STAT4: variants seen among roughly 807,000 people sequenced by gnomAD.
The protein encoded by STAT4 is signal transducer and activator of transcription 4.
Under a neutral mutation model 110.5 loss-of-function variants are expected in STAT4, and 42 were observed. That is an observed-to-expected ratio of 0.38 (90% CI 0.30 to 0.49). The LOEUF is 0.49. Ranked by LOEUF, STAT4 falls within the 20% of genes least tolerant of loss-of-function variation. The pLI, the probability that STAT4 is intolerant of heterozygous loss-of-function variation, is 0.95. For synonymous variants in STAT4, 284 were observed against 302.2 expected (o/e 0.94, Z 0.63); for missense variants, 632 against 887.9 (o/e 0.71, Z 3.66).
At chr2:191,056,779 ATTTTTTTTT>A (rs34775786) in intron 13 of STAT4, among the ~76,000 whole-genome samples, 1 of 94,516 alleles carries the variant, frequency 1.1e-5, no homozygotes, top group African/African-American at 3.6e-5. Flanking sequence ...CTTCTACACT[ATTTTTTTTT>A]TTTTTTTTTT....
At position 191,062,385 on chromosome 2, in the gene STAT4, T is replaced by G. The variant is rs1041786002; in HGVS notation, c.941+377A>C. The stretch of plus-strand genomic sequence containing the variant: ...ATAAATTTCATGACTTTTTTTGGAC[T>G]AAATATTAGGATTTCTGGTACATAT... On this transcript the variant is annotated intron_variant, in intron 9 of 23. Coordinates refer to ENST00000392320, the MANE Select transcript of STAT4 (RefSeq NM_003151.4). This position sits in a 1 kb window ranked among gnomAD's most constrained non-coding sequence, Gnocchi z 4.9. Among the ~76,000 whole-genome samples, 5 of 152,172 alleles carry G rather than the reference T, an allele frequency of 3.3e-5. No homozygotes were observed. The highest frequency in any genetic ancestry group is 6.5e-5 in the Admixed American group (1 of 15,276).
chr2:191,117,191 A>T lies in STAT4; in HGVS notation c.273+29422T>A, dbSNP rs1212764363. Among the ~76,000 whole-genome samples the T allele has an allele frequency of 2.0e-5, 3 of 152,218 alleles. No homozygotes were observed. Among genetic ancestry groups the T allele is most frequent in the Non-Finnish European group, 2.9e-5 (2 of 68,042 alleles). ...TTTCCCAAACTTGTCTGATTATTAG[A>T]ATTACCTGAGCTGCTCAGTCCCACA... On this transcript the variant is annotated intron_variant, in intron 3 of 23. Transcript: ENST00000392320. This position sits in a 1 kb window ranked among gnomAD's most constrained non-coding sequence, Gnocchi z 5.2.
rs1166796772 is a variant in STAT4 at position 191,050,930 on chromosome 2, A to T, written c.1251+3560T>A. 1.3e-5 allele frequency among the ~76,000 whole-genome samples: 2 copies of T among 152,220 alleles called. No individual in the cohort carries two copies. Among genetic ancestry groups the T allele is most frequent in the African/African-American group, 4.8e-5 (2 of 41,460 alleles). Reference sequence around the variant, plus strand: ...GAGGTCTGGAATGGCAACTTAGTGAAACTATCATTTATGACATCTTTGTCC... The same window carrying T: ...GAGGTCTGGAATGGCAACTTAGTGATACTATCATTTATGACATCTTTGTCC... On this transcript the variant is annotated intron_variant, in intron 14 of 23. Transcript: ENST00000392320. The surrounding 1 kb of genome is among the most constrained non-coding windows in gnomAD (Gnocchi z 4.3).
chr2:191,065,216 T>C (rs1696956173), intron 7 of STAT4, among the ~76,000 whole-genome samples: 1 of 152,192 alleles, frequency 6.6e-6, no homozygotes, highest in Non-Finnish European at 1.5e-5. Flanking sequence ...AATGTGTAAC[T>C]CCTGCGGCAA....
rs922867907 is a variant in STAT4 at position 191,117,734 on chromosome 2, C to A, written c.273+28879G>T. On this transcript the variant is annotated intron_variant, in intron 3 of 23. Transcript: ENST00000392320. The surrounding 1 kb of genome is among the most constrained non-coding windows in gnomAD (Gnocchi z 5.2). Reference sequence around the variant, plus strand: ...ACAAAATACCCACATCCTAAATCCACCATTGCTTATTTTTCTTCCGATGCC... The same window carrying A: ...ACAAAATACCCACATCCTAAATCCAACATTGCTTATTTTTCTTCCGATGCC... 2.6e-5 allele frequency among the ~76,000 whole-genome samples: 4 copies of A among 152,120 alleles called. No individual in the cohort carries two copies. The highest frequency in any genetic ancestry group is 9.7e-5 in the African/African-American group (4 of 41,424).
At chr2:191,095,634 A>T (rs1697947747) in intron 3 of STAT4, among the ~76,000 whole-genome samples, 1 of 152,242 alleles carries the variant, frequency 6.6e-6, no homozygotes, top group Non-Finnish European at 1.5e-5. Context: ...GGAAATTTAT[A>T]GCACTAAATG....
chr2:191,034,437 A>G, intron 18 of STAT4, 111 bp downstream of exon 18: 1 of 906,594 alleles, frequency 1.1e-6, no homozygotes, highest in Non-Finnish European at 1.7e-6. Flanking sequence ...AAAAAAAAAA[A>G]AGAAAAATTC....
intron 18 of STAT4, 126 bp downstream of exon 18, chr2:191,034,422 C>CAAA (rs375344996): frequency 1.8e-4 from 90 of 512,482 alleles, no homozygotes; most frequent in East Asian, 2.4e-4. Context: ...GACTCTATCT[C>CAAA]AAAAAAAAAA....
chr2:191,062,319 G>T lies in STAT4; in HGVS notation c.941+443C>A, dbSNP rs1256955408. ...CAACCCCTTGCCTCAGCCTCCCAAG[G>T]TGCTGAGATTACAGGTGTGAGCCAC... On this transcript the variant is annotated intron_variant, in intron 9 of 23. Coordinates refer to ENST00000392320, the MANE Select transcript of STAT4 (RefSeq NM_003151.4). The surrounding 1 kb of genome is among the most constrained non-coding windows in gnomAD (Gnocchi z 4.9). 2.6e-5 allele frequency among the ~76,000 whole-genome samples: 4 copies of T among 152,008 alleles called. No homozygotes were observed. Among genetic ancestry groups the T allele is most frequent in the Non-Finnish European group, 5.9e-5 (4 of 68,008 alleles).
chr2:191,031,525 CA>C lies in STAT4; in HGVS notation c.2045-10del, dbSNP rs1695893433. The C allele has an allele frequency of 6.2e-7, 1 of 1,607,328 alleles. No individual in the cohort carries two copies. Among genetic ancestry groups the C allele is most frequent in the African/African-American group, 1.3e-5 (1 of 74,544 alleles). On this transcript the variant is annotated splice_polypyrimidine_tract_variant and intron_variant, in intron 21 of 23. Coordinates refer to ENST00000392320, the MANE Select transcript of STAT4 (RefSeq NM_003151.4). This position sits in a 1 kb window ranked among gnomAD's most constrained non-coding sequence, Gnocchi z 4.8. Reference sequence around the variant, plus strand: ...TTCTGTTGGTCTTGAAACTGGAAAACAAAAAGGCACAATGTTGGGGAAAAAA... The same window carrying C: ...TTCTGTTGGTCTTGAAACTGGAAAACAAAAGGCACAATGTTGGGGAAAAAA...
chr2:191,144,759 C>T lies in STAT4; in HGVS notation c.273+1854G>A, dbSNP rs1699420896. Among the ~76,000 whole-genome samples, 1 of 152,124 alleles carries T rather than the reference C, an allele frequency of 6.6e-6. No homozygotes were observed. The highest frequency in any genetic ancestry group is 2.4e-5 in the African/African-American group (1 of 41,420). On this transcript the variant is annotated intron_variant, in intron 3 of 23. Coordinates refer to ENST00000392320, the MANE Select transcript of STAT4 (RefSeq NM_003151.4). The surrounding 1 kb of genome is among the most constrained non-coding windows in gnomAD (Gnocchi z 4.7). ...CCTGATTTACACTGAGAAAATCCTG[C>T]TATTTTACCTACCAACAATAAGAAT...
Position 191,031,489 on chromosome 2 carries a change from T to A in STAT4, c.2072A>T (p.Lys691Ile). 1 of 1,613,446 alleles carries A rather than the reference T, an allele frequency of 6.2e-7. No individual in the cohort carries two copies. The highest frequency in any genetic ancestry group is 8.5e-7 in the Non-Finnish European group (1 of 1,179,664). Residue 691 changes from lysine to isoleucine, a missense_variant, in exon 22 of 24, where the codon AAA (lysine) becomes ATA (isoleucine). Around this residue, in one of 4 missense-constraint regions of STAT4, gnomAD observed 38 missense variants for 33.2 expected, o/e 1.15. Transcript: ENST00000392320. The surrounding 1 kb of genome is among the most constrained non-coding windows in gnomAD (Gnocchi z 4.8). ...EVSRPTERGD[K>I]GYVPSVFIPI... ...GATAAAAACAGAAGGAACATAACCTTTGTCACCCCTTTCTGTTGGTCTTGA... is the reference window on the plus strand; with the variant it reads ...GATAAAAACAGAAGGAACATAACCTATGTCACCCCTTTCTGTTGGTCTTGA...
chr2:191,049,081 A>G (rs945007785), intron 14 of STAT4, among the ~76,000 whole-genome samples: 1 of 150,654 alleles, frequency 6.6e-6, no homozygotes, highest in Non-Finnish European at 1.5e-5. Context: ...GTAGGTCTAG[A>G]TGTCACCATA....
chr2:191,129,669 C>T (rs548414567), intron 3 of STAT4, among the ~76,000 whole-genome samples: 27 of 152,248 alleles, frequency 1.8e-4, no homozygotes, highest in South Asian at 1.2e-3. Flanking sequence ...TTCATTTAAC[C>T]GCCAGAATGA....
At position 191,107,836 on chromosome 2, in the gene STAT4, T is replaced by C. The variant is rs1181522901; in HGVS notation, c.274-31511A>G. 6.6e-6 allele frequency among the ~76,000 whole-genome samples: 1 copy of C among 152,222 alleles called. No homozygotes were observed. Among genetic ancestry groups the C allele is most frequent in the African/African-American group, 2.4e-5 (1 of 41,460 alleles). On this transcript the variant is annotated intron_variant, in intron 3 of 23. Coordinates refer to ENST00000392320, the MANE Select transcript of STAT4 (RefSeq NM_003151.4). The surrounding 1 kb of genome is among the most constrained non-coding windows in gnomAD (Gnocchi z 4.2). ...TTTTAGTTTTTCAGCAAGTATTTAT[T>C]ATGTGAAGAAGTCCTAACATTTCTA... is the stretch of plus-strand genomic sequence containing the variant.
In STAT4 at chr2:191,099,530, G is replaced by A. The variant is rs948115889; in HGVS notation, c.274-23205C>T. On this transcript the variant is annotated intron_variant, in intron 3 of 23. Transcript: ENST00000392320. The surrounding 1 kb of genome is among the most constrained non-coding windows in gnomAD (Gnocchi z 4.1). ...ATTAAAATGGAGGGATTTCTGTTAC[G>A]TAAAATTTGGAAAGCAGAGATATGA... Among the ~76,000 whole-genome samples, 112 of 152,086 alleles carry A rather than the reference G, an allele frequency of 7.4e-4. 2 individuals are homozygous for A. Among genetic ancestry groups the A allele is most frequent in the Admixed American group, 4.6e-4 (7 of 15,276 alleles).
At chr2:191,137,849 A>G (rs973548005) in intron 3 of STAT4, among the ~76,000 whole-genome samples, 1 of 152,192 alleles carries the variant, frequency 6.6e-6, no homozygotes, top group Non-Finnish European at 1.5e-5. Flanking sequence ...ACCATATATA[A>G]AAATCAACTC....
intron 3 of STAT4, among the ~76,000 whole-genome samples, chr2:191,102,928 A>G (rs1698182279): frequency 6.6e-6 from 1 of 152,184 alleles, no homozygotes; most frequent in Non-Finnish European, 1.5e-5. Context: ...TTTAACTGTG[A>G]CATCCATGTA....
intron 13 of STAT4, among the ~76,000 whole-genome samples, chr2:191,056,603 G>C (rs1190780839): frequency 6.6e-6 from 1 of 152,080 alleles, no homozygotes; most frequent in Middle Eastern, 3.2e-3. Context: ...ATATATCATA[G>C]TTGTACATAT....
Sources: allele counts gnomAD v4.1 joint callset (sites outside exome capture counted in the v4.1 genomes callset), GRCh38; gene constraint gnomAD v4.1.1; regional missense constraint gnomAD v4.1.1; non-coding constraint Gnocchi (gnomAD v3.1); transcripts MANE v1.5; gene names NCBI Gene and HGNC (gene_info 2026-07-23, HGNC 2026-07-21).